Variants in RHBDD1 observed in about 807,000 individuals in gnomAD.
RHBDD1 encodes rhomboid-related protein 4.
In RHBDD1, 38 loss-of-function variants were observed where a neutral mutation model predicts 36.3. The ratio of observed to expected loss-of-function variants is 1.05; its 90% CI spans 0.81 to 1.37. RHBDD1 has a LOEUF of 1.37. Ranked by LOEUF, RHBDD1 falls within the 40% of genes most tolerant of loss-of-function variation. The probability of loss-of-function intolerance (pLI) is 0.00; values close to 1 mark genes in which losing one functional copy is unlikely to be tolerated. For missense variants in RHBDD1, 393 were observed against 377.6 expected, an observed-to-expected ratio of 1.04 and a Z score of -0.34; for synonymous variants, 151 against 136.5, an observed-to-expected ratio of 1.11 and a Z score of -0.74.
intron 4 of RHBDD1, among the ~76,000 whole-genome samples, chr2:226,866,622 C>T (rs1178029948): frequency 2.6e-5 from 4 of 152,150 alleles, no homozygotes; most frequent in African/African-American, 9.7e-5. Flanking sequence ...CCAAAATTGC[C>T]AGCAGGATTT....
intron 8 of RHBDD1, among the ~76,000 whole-genome samples, chr2:226,985,557 G>A (rs187816583): frequency 1.7e-3 from 254 of 152,362 alleles, no homozygotes; most frequent in African/African-American, 6.1e-3. Flanking sequence ...TGAAACTCGG[G>A]TGGATATGTT....
At chr2:226,839,273 T>C (rs958616866) in intron 2 of RHBDD1, 136 bp from the exon 3 acceptor site, 36 of 152,160 alleles carry the variant, frequency 2.4e-4, no homozygotes, top group Admixed American at 2.0e-3. Flanking sequence ...ATATGTAAAA[T>C]TAGATACGTA....
At chr2:226,858,078 A>G (rs1460120196) in intron 3 of RHBDD1, among the ~76,000 whole-genome samples, 2 of 152,214 alleles carry the variant, frequency 1.3e-5, no homozygotes, top group Non-Finnish European at 2.9e-5. Context: ...TACAACCTCC[A>G]GCATAAATAG....
At position 226,914,299 on chromosome 2, in the gene RHBDD1, G is replaced by A. The variant is rs781098679; in HGVS notation, c.804G>A (p.Leu268=). The A allele has an allele frequency of 2.5e-6, 4 of 1,613,762 alleles. No homozygotes were observed. The South Asian group carries it at 3.3e-5, about 13-fold the overall frequency. The change falls in exon 8 of 9, where the codon CTG becomes CTA. Residue 268 remains leucine, a synonymous_variant. Transcript: ENST00000392062. ...ACTATGACACGTACACAGCAGGACT[G>A]AGTGAAGAAGAACAGCTCGAGAGAG... The part of the protein sequence containing the change: ...PRNYDTYTAG[L]SEEEQLERAL...
intron 8 of RHBDD1, among the ~76,000 whole-genome samples, chr2:226,987,384 A>G (rs775543689): frequency 6.6e-6 from 1 of 152,186 alleles, no homozygotes; most frequent in Non-Finnish European, 1.5e-5. Flanking sequence ...AAGAGAGACA[A>G]AATGTGTTGG....
intron 3 of RHBDD1, among the ~76,000 whole-genome samples, chr2:226,852,798 A>G (rs974380037): frequency 2.0e-5 from 3 of 151,408 alleles, no homozygotes; most frequent in Admixed American, 6.6e-5. Flanking sequence ...GCTATCCACT[A>G]TCATAGCTCA....
chr2:226,941,692 A>T (rs1412401844), intron 8 of RHBDD1, among the ~76,000 whole-genome samples: 2 of 152,206 alleles, frequency 1.3e-5, no homozygotes, highest in Non-Finnish European at 2.9e-5. Context: ...TTTATACACT[A>T]TGGAAAATAC....
upstream of RHBDD1, among the ~76,000 whole-genome samples, chr2:226,835,181 G>A (rs180829622): frequency 6.6e-6 from 1 of 152,318 alleles, no homozygotes. Context: ...AAAGTGCGGG[G>A]ATTACAGGCG....
Position 226,907,219 on chromosome 2 carries a change from T to A in RHBDD1, c.655+338T>A, listed in dbSNP as rs79478365. 1.6e-4 allele frequency among the ~76,000 whole-genome samples: 25 copies of A among 152,296 alleles called. No individual in the cohort carries two copies. The East Asian group carries it at 4.8e-3, about 29-fold the overall frequency. On this transcript the variant is annotated intron_variant, in intron 6 of 8. Transcript: ENST00000392062. ...TTTAAAATAATGCATTCTTCTATAA[T>A]AGTCCATGAATTAATATACGTGCAA...
Position 226,925,341 on chromosome 2 carries a change from A to G in RHBDD1, c.856+10990A>G, listed in dbSNP as rs889228509. Among the ~76,000 whole-genome samples, 4 of 152,278 alleles carry G rather than the reference A, an allele frequency of 2.6e-5. No individual in the cohort carries two copies. In the South Asian group the frequency reaches 6.2e-4, roughly 24 times the overall value. ...TAAATACATTGAAATTTGCACAACA[A>G]TGTGTGCAAGGGTTAAATCAGTTGT... On this transcript the variant is annotated intron_variant, in intron 8 of 8. Coordinates refer to ENST00000392062, the MANE Select transcript of RHBDD1 (RefSeq NM_001167608.3).
At chr2:226,837,023 A>T (rs905962181) in intron 1 of RHBDD1, among the ~76,000 whole-genome samples, 2 of 152,316 alleles carry the variant, frequency 1.3e-5, no homozygotes, top group Non-Finnish European at 2.9e-5. Flanking sequence ...AACTTACTGA[A>T]TCAGAAATAT....
At chr2:226,932,609 C>CT (rs1307755819) in intron 8 of RHBDD1, among the ~76,000 whole-genome samples, 1 of 151,952 alleles carries the variant, frequency 6.6e-6, no homozygotes, top group Admixed American at 6.6e-5. Flanking sequence ...ATAGGTTCTC[C>CT]TTCCACTCCC....
Position 226,948,587 on chromosome 2 carries a change from G to GA in RHBDD1, c.856+34243dup, listed in dbSNP as rs1951188463. Among the ~76,000 whole-genome samples, 13 of 82,488 alleles carry GA rather than the reference G, an allele frequency of 1.6e-4. No homozygotes were observed. In the South Asian group the frequency reaches 3.0e-3, roughly 19 times the overall value. 54.1% of individuals were successfully genotyped at this position (82,488 alleles called of 152,430 possible). A position where few individuals can be genotyped will look rare whatever the true frequency, so the allele number is the denominator to read the frequency against. On this transcript the variant is annotated intron_variant, in intron 8 of 8. Transcript: ENST00000392062. Reference sequence around the variant, plus strand: ...TATAAAAAAAAAAAAAAAAAAAAACGAAAAAAATAAAAATAAAAAAAAATA... The same window carrying GA: ...TATAAAAAAAAAAAAAAAAAAAAACGAAAAAAAATAAAAATAAAAAAAAATA...
chr2:226,850,711 T>C (rs1942724953), intron 3 of RHBDD1, among the ~76,000 whole-genome samples: 1 of 152,222 alleles, frequency 6.6e-6, no homozygotes, highest in Admixed American at 6.5e-5. Flanking sequence ...TAAGAGGCTC[T>C]GTGCACATGT....
chr2:226,986,875 C>G (rs1220722466), intron 8 of RHBDD1, among the ~76,000 whole-genome samples: 1 of 152,210 alleles, frequency 6.6e-6, no homozygotes, highest in Non-Finnish European at 1.5e-5. Flanking sequence ...AAGACACATG[C>G]ACGTGTGTGC....
chr2:226,912,688 C>G (rs763488497), intron 7 of RHBDD1, among the ~76,000 whole-genome samples: 1 of 152,084 alleles, frequency 6.6e-6, no homozygotes, highest in Non-Finnish European at 1.5e-5. Context: ...TTAGTGCTTA[C>G]TTAGAGCTGG....
intron 8 of RHBDD1, among the ~76,000 whole-genome samples, chr2:226,939,611 A>G (rs1442994791): frequency 2.0e-5 from 3 of 152,206 alleles, no homozygotes; most frequent in Non-Finnish European, 4.4e-5. Context: ...CAAATAAATC[A>G]GAGAGGACAC....
rs139948437 is a variant in RHBDD1, at chr2:226,925,447, A to C, written c.856+11096A>C. On this transcript the variant is annotated intron_variant, in intron 8 of 8. Coordinates refer to ENST00000392062, the MANE Select transcript of RHBDD1 (RefSeq NM_001167608.3). ...AATTTAGTGGCATGAAAATATGATT[A>C]CAACATAATTGCTGAATGAAAAAAC... Among the ~76,000 whole-genome samples, 1,040 of 151,630 alleles carry C rather than the reference A, an allele frequency of 6.9e-3. 7 individuals are homozygous for C. Among genetic ancestry groups the C allele is most frequent in the Admixed American group, 0.017 (255 of 15,266 alleles).
chr2:226,962,875 G>C (rs1327382847), intron 8 of RHBDD1, among the ~76,000 whole-genome samples: 1 of 152,216 alleles, frequency 6.6e-6, no homozygotes, highest in African/African-American at 2.4e-5. Context: ...TTGATCCAAA[G>C]TTGAGCCCTC....
Sources: gnomAD v4.1 joint callset for allele counts (sites outside exome capture counted in the v4.1 genomes callset) on GRCh38, gnomAD v4.1.1 for gene constraint, MANE v1.5 for transcripts, NCBI Gene and HGNC (gene_info 2026-07-23, HGNC 2026-07-21) for gene names.